Variants in WDR49 observed in about 807,000 individuals in gnomAD.
WDR49 encodes the protein WD repeat domain 49.
A neutral mutation model predicts 119.5 loss-of-function variants in WDR49; 107 were observed. The ratio of observed to expected loss-of-function variants is 0.90; its 90% CI spans 0.77 to 1.05. WDR49 has a LOEUF of 1.05. Ranked by LOEUF, WDR49 falls within the 50% of genes least tolerant of loss-of-function variation. WDR49 has a pLI of 0.00. For missense variants in WDR49, 1,240 were observed against 1,220.5 expected, an observed-to-expected ratio of 1.02 and a Z score of -0.24; for synonymous variants, 425 against 418.8, an observed-to-expected ratio of 1.01 and a Z score of -0.18.
At chr3:167,638,844 A>G (rs1196437690) in intron 2 of WDR49, among the ~76,000 whole-genome samples, 1 of 151,666 alleles carries the variant, frequency 6.6e-6, no homozygotes, top group Admixed American at 6.6e-5. Context: ...ACAGACCTTG[A>G]CTGAATTTAA....
Position 167,483,834 on chromosome 3 carries a change from T to C in WDR49, c.3032-4838A>G, listed in dbSNP as rs1369490818. ...CTAATACTCAAAGGGTCTTTATAGATGAGGCCCAGAAAACCTAACCTTCAT... is the reference window on the plus strand; with the variant it reads ...CTAATACTCAAAGGGTCTTTATAGACGAGGCCCAGAAAACCTAACCTTCAT... On this transcript the variant is annotated intron_variant, in intron 18 of 18. Coordinates refer to ENST00000682715, the MANE Select transcript of WDR49 (RefSeq NM_001366157.1). Among the ~76,000 whole-genome samples the C allele has an allele frequency of 2.6e-5, 4 of 152,298 alleles. No individual in the cohort carries two copies. The East Asian group carries it at 7.7e-4, about 29-fold the overall frequency.
At position 167,544,511 on chromosome 3, in the gene WDR49, G is replaced by C. The variant is rs142321115; in HGVS notation, c.1824-7511C>G. Among the ~76,000 whole-genome samples the C allele has an allele frequency of 2.3e-3, 349 of 151,842 alleles. 2 individuals are homozygous for C. The highest frequency in any genetic ancestry group is 8.2e-3 in the African/African-American group (338 of 41,466). Reference sequence around the variant, plus strand: ...CATAAAAAGGCAAATAGACCAGAGGGACAAAATAGAGAACCCAGAAATAAA... The same window carrying C: ...CATAAAAAGGCAAATAGACCAGAGGCACAAAATAGAGAACCCAGAAATAAA... On this transcript the variant is annotated intron_variant, in intron 10 of 18. Transcript: ENST00000682715.
intron 17 of WDR49, among the ~76,000 whole-genome samples, chr3:167,503,194 G>T (rs181874384): frequency 2.6e-5 from 4 of 152,364 alleles, no homozygotes; most frequent in African/African-American, 7.2e-5. Flanking sequence ...AAGCCTGCAG[G>T]TACACAGAGT....
intron 6 of WDR49, among the ~76,000 whole-genome samples, chr3:167,602,936 C>T (rs928076450): frequency 1.1e-4 from 16 of 152,056 alleles, no homozygotes; most frequent in Non-Finnish European, 2.2e-4. Flanking sequence ...GAGCAATAGG[C>T]TACAGCATAT....
At chr3:167,594,765 T>C (rs1715323333) in intron 7 of WDR49, among the ~76,000 whole-genome samples, 1 of 151,144 alleles carries the variant, frequency 6.6e-6, no homozygotes, top group Non-Finnish European at 1.5e-5. Context: ...AATATCATAC[T>C]GAATGGGCAA....
chr3:167,483,635 G>T (rs1750809975), intron 18 of WDR49, among the ~76,000 whole-genome samples: 1 of 151,928 alleles, frequency 6.6e-6, no homozygotes, highest in Admixed American at 6.6e-5. Flanking sequence ...TTATAAAAGT[G>T]GCTATTTAAG....
chr3:167,543,795 T>C (rs895897560), intron 10 of WDR49, among the ~76,000 whole-genome samples: 1 of 151,716 alleles, frequency 6.6e-6, no homozygotes, highest in Non-Finnish European at 1.5e-5. Flanking sequence ...ACCAGAGCAA[T>C]CAGACAAGAG....
At chr3:167,545,360 A>G (rs1712110063) in intron 10 of WDR49, among the ~76,000 whole-genome samples, 1 of 151,596 alleles carries the variant, frequency 6.6e-6, no homozygotes, top group African/African-American at 2.4e-5. Context: ...TCCCCAGACA[A>G]AAAGAAGTCA....
intron 7 of WDR49, among the ~76,000 whole-genome samples, chr3:167,578,260 A>C (rs1372476722): frequency 1.3e-5 from 2 of 152,026 alleles, no homozygotes; most frequent in Non-Finnish European, 2.9e-5. Context: ...GCCCTTGTTT[A>C]CTTTTAAAAA....
chr3:167,554,056 CAT>C lies in WDR49; in HGVS notation c.1823+592_1823+593del, dbSNP rs994765611. ...ATTAATGGACAATATATTTTCAAAA[CAT>C]ATCACACTTTAATTTTCCTACTGCT... On this transcript the variant is annotated intron_variant, in intron 10 of 18. Transcript: ENST00000682715. 2.6e-5 allele frequency among the ~76,000 whole-genome samples: 4 copies of C among 152,098 alleles called. No homozygotes were observed. The South Asian group carries it at 6.2e-4, about 24-fold the overall frequency.
At chr3:167,566,077 A>C (rs903380989) in intron 8 of WDR49, among the ~76,000 whole-genome samples, 1 of 152,160 alleles carries the variant, frequency 6.6e-6, no homozygotes, top group African/African-American at 2.4e-5. Flanking sequence ...TCTTATTCTA[A>C]AAATCTACTT....
chr3:167,541,129 G>A (rs1241116355), intron 10 of WDR49, among the ~76,000 whole-genome samples: 3 of 152,120 alleles, frequency 2.0e-5, no homozygotes, highest in African/African-American at 7.2e-5. Flanking sequence ...AAATTCCTTA[G>A]AAGGAATAAT....
chr3:167,479,086 G>C lies in WDR49; in HGVS notation c.3032-90C>G, dbSNP rs557148388. On this transcript the variant is annotated intron_variant, in intron 18 of 18. Transcript: ENST00000682715. ...AGTGGGGAGAAAATTCTCAAATTTT[G>C]CTTTTTCTAAAAATCTTTGTTTCTA... is the stretch of plus-strand genomic sequence containing the variant. The C allele has an allele frequency of 7.6e-6, 8 of 1,047,610 alleles. No homozygotes were observed. In the Admixed American group the frequency reaches 2.6e-4, roughly 34 times the overall value. 64.9% of individuals were successfully genotyped at this position (1,047,610 alleles called of 1,614,324 possible).
At chr3:167,602,753 T>C (rs1715843320) in intron 6 of WDR49, among the ~76,000 whole-genome samples, 3 of 152,174 alleles carry the variant, frequency 2.0e-5, no homozygotes, top group Admixed American at 2.0e-4. Context: ...AGTACAGTCA[T>C]GCATTTCATA....
At chr3:167,521,465 G>A (rs1157303334) in intron 16 of WDR49, among the ~76,000 whole-genome samples, 2 of 152,182 alleles carry the variant, frequency 1.3e-5, no homozygotes, top group Non-Finnish European at 2.9e-5. Flanking sequence ...TTAAAGGGAA[G>A]AAGAAAAGAC....
At chr3:167,488,450 T>C (rs879062110) in intron 18 of WDR49, among the ~76,000 whole-genome samples, 1 of 152,026 alleles carries the variant, frequency 6.6e-6, no homozygotes, top group Non-Finnish European at 1.5e-5. Flanking sequence ...ACTACACTCA[T>C]TACCTGGGTG....
intron 17 of WDR49, among the ~76,000 whole-genome samples, chr3:167,501,367 C>T (rs948780764): frequency 6.6e-6 from 1 of 151,924 alleles, no homozygotes; most frequent in African/African-American, 2.4e-5. Context: ...ATGTTTAATC[C>T]CAAAGGTTAT....
At chr3:167,522,263 A>G (rs765298921) in intron 16 of WDR49, 52 bp downstream of exon 16, 77 of 1,487,892 alleles carry the variant, frequency 5.2e-5, no homozygotes, top group Non-Finnish European at 6.4e-5. Context: ...AATCTTATCT[A>G]TGTCTTATCT....
At chr3:167,598,128 A>G (rs951217449) in intron 7 of WDR49, among the ~76,000 whole-genome samples, 1 of 151,880 alleles carries the variant, frequency 6.6e-6, no homozygotes, top group Non-Finnish European at 1.5e-5. Flanking sequence ...AACATGGTGA[A>G]CCCTGTCTTT....
Sources: gnomAD v4.1 joint callset for allele counts (sites outside exome capture counted in the v4.1 genomes callset) on GRCh38, gnomAD v4.1.1 for gene constraint, MANE v1.5 for transcripts, NCBI Gene and HGNC (gene_info 2026-07-23, HGNC 2026-07-21) for gene names.